B3GALT1: variants seen among roughly 807,000 people sequenced by gnomAD.
B3GALT1 encodes beta-1,3-galactosyltransferase 1, also known as UDP-Gal:betaGlcNAc beta 1,3-galactosyltransferase, polypeptide 1.
In B3GALT1, 10 loss-of-function variants were observed where a neutral mutation model predicts 23.2. That is an observed-to-expected ratio of 0.43 (90% CI 0.27 to 0.73). The LOEUF (loss-of-function observed/expected upper bound fraction) is 0.73, where lower values mean the gene tolerates loss of function less well. B3GALT1 is among the 30% of genes least tolerant of loss of function. The pLI, the probability that B3GALT1 is intolerant of heterozygous loss-of-function variation, is 0.21. For synonymous variants in B3GALT1, 156 were observed against 141.5 expected, an observed-to-expected ratio of 1.10 and a Z score of -0.73; for missense variants, 299 against 405.4, an observed-to-expected ratio of 0.74 and a Z score of 2.25.
intron 4 of B3GALT1, among the ~76,000 whole-genome samples, chr2:167,834,089 GTC>G (rs1158182747): frequency 6.6e-6 from 1 of 152,138 alleles, no homozygotes; most frequent in African/African-American, 2.4e-5. Context: ...GGGTATGCTG[GTC>G]TCTGTTTCAA....
chr2:167,821,429 T>TA (rs1689103929), intron 4 of B3GALT1, among the ~76,000 whole-genome samples: 1 of 140,512 alleles, frequency 7.1e-6, no homozygotes. Flanking sequence ...ACAAGGAAGG[T>TA]ACTTTTTTTT....
intron 2 of B3GALT1, among the ~76,000 whole-genome samples, chr2:167,643,879 C>T (rs1226906): frequency 0.25 from 38,632 of 152,014 alleles, 5,000 homozygotes; most frequent in East Asian, 0.35. Flanking sequence ...TTTATGGGGA[C>T]AGCTCTTTTT....
At chr2:167,379,826 G>A (rs1259661168) in intron 1 of B3GALT1, among the ~76,000 whole-genome samples, 2 of 152,236 alleles carry the variant, frequency 1.3e-5, no homozygotes, top group Non-Finnish European at 2.9e-5. Context: ...TAGGCATAGA[G>A]CTAGGAAATC....
chr2:167,737,666 T>C (rs562785437), intron 3 of B3GALT1, among the ~76,000 whole-genome samples: 2 of 152,338 alleles, frequency 1.3e-5, no homozygotes, highest in Non-Finnish European at 2.9e-5. Context: ...GGAGGTGAAA[T>C]GAGCCTGTCA....
intron 4 of B3GALT1, among the ~76,000 whole-genome samples, chr2:167,836,548 T>A (rs957370545): frequency 2.6e-4 from 39 of 152,336 alleles, no homozygotes; most frequent in Non-Finnish European, 5.0e-4. Context: ...AATCTACGTC[T>A]GATTGGTGTA....
intron 1 of B3GALT1, among the ~76,000 whole-genome samples, chr2:167,364,562 C>T (rs1185188681): frequency 6.6e-6 from 1 of 152,006 alleles, no homozygotes; most frequent in African/African-American, 2.4e-5. Context: ...TTGTTCAGTT[C>T]CCACCTATGA....
chr2:167,604,341 C>G (rs1173260654), intron 2 of B3GALT1, among the ~76,000 whole-genome samples: 1 of 152,130 alleles, frequency 6.6e-6, no homozygotes, highest in Admixed American at 6.5e-5. Context: ...TAGGAACTTT[C>G]AGAGGTTTCA....
chr2:167,747,216 C>T (rs1687666786), intron 3 of B3GALT1, among the ~76,000 whole-genome samples: 1 of 152,142 alleles, frequency 6.6e-6, no homozygotes, highest in African/African-American at 2.4e-5. Context: ...TTAGAGCAGG[C>T]AGCCAAGATG....
chr2:167,731,051 A>G (rs533360899), intron 3 of B3GALT1, among the ~76,000 whole-genome samples: 1 of 152,242 alleles, frequency 6.6e-6, no homozygotes, highest in African/African-American at 2.4e-5. Context: ...TGCAGTAGGG[A>G]CTTGAACCCA....
intron 3 of B3GALT1, among the ~76,000 whole-genome samples, chr2:167,802,331 CTG>C (rs1319398698): frequency 2.0e-5 from 3 of 152,208 alleles, no homozygotes; most frequent in African/African-American, 7.2e-5. Flanking sequence ...AGAAAACAGA[CTG>C]AGAGAGGGGC....
At chr2:167,306,457 T>C (rs1156450194) in intron 1 of B3GALT1, among the ~76,000 whole-genome samples, 1 of 152,090 alleles carries the variant, frequency 6.6e-6, no homozygotes, top group Non-Finnish European at 1.5e-5. Context: ...TCCAGTTTTC[T>C]AGAATATTTT....
chr2:167,606,640 G>T (rs1239937604), intron 2 of B3GALT1, among the ~76,000 whole-genome samples: 5 of 65,834 alleles, frequency 7.6e-5, no homozygotes, highest in South Asian at 1.3e-3. Context: ...TTGACGTTTT[G>T]AAACTCATTT....
intron 1 of B3GALT1, among the ~76,000 whole-genome samples, chr2:167,385,296 A>G (rs1342454553): frequency 2.6e-5 from 4 of 152,142 alleles, no homozygotes; most frequent in Non-Finnish European, 4.4e-5. Context: ...TGCTTCCCCA[A>G]GAATTCTTCC....
chr2:167,482,824 A>C (rs1168836450), intron 1 of B3GALT1, among the ~76,000 whole-genome samples: 1 of 150,676 alleles, frequency 6.6e-6, no homozygotes, highest in East Asian at 2.0e-4. Context: ...TGGGCAACAG[A>C]GCCAGACCCT....
chr2:167,841,567 G>A (rs1689649986), intron 4 of B3GALT1, among the ~76,000 whole-genome samples: 1 of 152,224 alleles, frequency 6.6e-6, no homozygotes, highest in Non-Finnish European at 1.5e-5. Context: ...ACACTTGCCT[G>A]AGCAGCATCT....
Position 167,753,165 on chromosome 2 carries a change from T to G in B3GALT1, c.-351-65507T>G, listed in dbSNP as rs190636476. Among the ~76,000 whole-genome samples, 71 of 152,290 alleles carry G rather than the reference T, an allele frequency of 4.7e-4. No homozygotes were observed. The East Asian group carries it at 0.01, about 22-fold the overall frequency. ...CAATCATACACCTGAGTTTGAAATT[T>G]AGGATTATGAGCAGTACTCATTTTA... is the stretch of plus-strand genomic sequence containing the variant. On this transcript the variant is annotated intron_variant, in intron 3 of 4. Transcript: ENST00000392690.
At chr2:167,558,990 C>T (rs551457080) in intron 2 of B3GALT1, among the ~76,000 whole-genome samples, 19 of 152,300 alleles carry the variant, frequency 1.2e-4, no homozygotes, top group South Asian at 4.1e-4. Flanking sequence ...GATCTGAGAA[C>T]GGGCAGACTG....
chr2:167,561,252 AC>A (rs913755699), intron 2 of B3GALT1, among the ~76,000 whole-genome samples: 32 of 152,206 alleles, frequency 2.1e-4, no homozygotes, highest in African/African-American at 7.7e-4. Context: ...TTCTTTATGT[AC>A]CAACAAGAAC....
At chr2:167,772,988 A>T (rs1448139184) in intron 3 of B3GALT1, among the ~76,000 whole-genome samples, 1 of 152,232 alleles carries the variant, frequency 6.6e-6, no homozygotes, top group African/African-American at 2.4e-5. Context: ...TATGGGCTTC[A>T]TAAGGAAAGG....
Sources: gnomAD v4.1 joint callset for allele counts (sites outside exome capture counted in the v4.1 genomes callset) on GRCh38, gnomAD v4.1.1 for gene constraint, MANE v1.5 for transcripts, NCBI Gene and HGNC (gene_info 2026-07-23, HGNC 2026-07-21) for gene names.